Variants in ADGRL3 observed in about 807,000 individuals in gnomAD.
The protein encoded by ADGRL3 is adhesion G protein-coupled receptor L3.
In ADGRL3, 62 loss-of-function variants were observed where a neutral mutation model predicts 153.5. That is an observed-to-expected ratio of 0.40 (90% CI 0.33 to 0.50). The LOEUF is 0.50. Ranked by LOEUF, ADGRL3 falls within the 20% of genes least tolerant of loss-of-function variation. The pLI is 0.47. For missense variants in ADGRL3, 1,641 were observed against 1,859.4 expected (o/e 0.88, Z 2.16); for synonymous variants, 710 against 672.5 (o/e 1.06, Z -0.86).
At chr4:61,552,810 T>C (rs1049860026) in intron 4 of ADGRL3, among the ~76,000 whole-genome samples, 1 of 152,150 alleles carries the variant, frequency 6.6e-6, no homozygotes, top group East Asian at 1.9e-4. Flanking sequence ...TATTAGACTT[T>C]GTATACTTAA....
chr4:61,317,857 C>T lies in ADGRL3; in HGVS notation c.-239-65267C>T, dbSNP rs906973868. ...CCCAGTACAAAAACTTACAAGACAA[C>T]TATTATGTCTATGCATTATAAAAAG... On this transcript the variant is annotated intron_variant, in intron 1 of 26. Coordinates refer to ENST00000683033, the MANE Select transcript of ADGRL3 (RefSeq NM_001387552.1). 1.2e-4 allele frequency among the ~76,000 whole-genome samples: 19 copies of T among 152,170 alleles called. 1 individual carries two copies. In the East Asian group the frequency reaches 3.3e-3, roughly 26 times the overall value.
chr4:61,912,642 T>C, intron 12 of ADGRL3, 77 bp from the exon 13 acceptor site: 1 of 1,320,296 alleles, frequency 7.6e-7, no homozygotes. Flanking sequence ...GATGTGTTCT[T>C]TTATTTTTCT....
chr4:61,344,208 G>C (rs1388192422), intron 1 of ADGRL3, among the ~76,000 whole-genome samples: 1 of 152,188 alleles, frequency 6.6e-6, no homozygotes, highest in Non-Finnish European at 1.5e-5. Context: ...CAGTGAAAAA[G>C]AAGATTTCTT....
intron 1 of ADGRL3, among the ~76,000 whole-genome samples, chr4:61,288,818 T>C (rs796459679): frequency 1.4e-4 from 21 of 152,044 alleles, no homozygotes; most frequent in African/African-American, 4.8e-4. Context: ...ATTTCTCTGG[T>C]TTAGTTCTTG....
intron 2 of ADGRL3, among the ~76,000 whole-genome samples, chr4:61,421,977 G>T (rs1021187151): frequency 1.3e-5 from 2 of 151,936 alleles, no homozygotes; most frequent in African/African-American, 4.8e-5. Flanking sequence ...ATTCATCCTT[G>T]CTAAGGACCC....
In ADGRL3 at chr4:61,550,486, T is replaced by C. The variant is rs544325888; in HGVS notation, c.259+32968T>C. Among the ~76,000 whole-genome samples, 3 of 152,174 alleles carry C rather than the reference T, an allele frequency of 2.0e-5. No individual in the cohort carries two copies. The South Asian group carries it at 6.2e-4, about 31-fold the overall frequency. ...TCAGATATGCATGCATGCATGTGTA[T>C]ATACCCCAATTGGACATGACAATAA... On this transcript the variant is annotated intron_variant, in intron 4 of 26. Transcript: ENST00000683033.
chr4:61,435,560 A>G (rs1156809088), intron 2 of ADGRL3, among the ~76,000 whole-genome samples: 1 of 152,104 alleles, frequency 6.6e-6, no homozygotes, highest in Non-Finnish European at 1.5e-5. Flanking sequence ...CAGCAGGTCA[A>G]TTTGTCTGCA....
At chr4:61,769,730 C>T (rs368917086) in intron 8 of ADGRL3, among the ~76,000 whole-genome samples, 2 of 129,540 alleles carry the variant, frequency 1.5e-5, no homozygotes, top group South Asian at 5.0e-4. Flanking sequence ...TGTTCTCTGG[C>T]GGGTAGGAGT....
At chr4:61,981,967 T>TA (rs1390879799) in intron 18 of ADGRL3, among the ~76,000 whole-genome samples, 4 of 152,262 alleles carry the variant, frequency 2.6e-5, no homozygotes, top group South Asian at 2.1e-4. Flanking sequence ...TACCTATGAA[T>TA]AAGCAATCAA....
chr4:61,936,001 C>A lies in ADGRL3; in HGVS notation c.2375C>A (p.Thr792Asn), dbSNP rs779195293. 6.2e-7 allele frequency: 1 copy of A among 1,609,840 alleles called. No individual in the cohort carries two copies. Among genetic ancestry groups the A allele is most frequent in the Non-Finnish European group, 8.5e-7 (1 of 1,178,002 alleles). Residue 792 changes from threonine to asparagine, a missense_variant, in exon 15 of 27, where the codon ACT (threonine) becomes AAT (asparagine). By Grantham distance (65) the Thr-to-Asn change is moderately conservative. Coordinates refer to ENST00000683033, the MANE Select transcript of ADGRL3 (RefSeq NM_001387552.1). ...CCAGAAAACATGGGCCATGGAAGCA[C>A]TATCCAGCTGTCTGCAAATACCTTA... Reference protein sequence around the residue: ...KFPENMGHGSTIQLSANTLKQ... With the variant: ...KFPENMGHGSNIQLSANTLKQ...
At chr4:61,799,678 T>A (rs1354831059) in intron 8 of ADGRL3, among the ~76,000 whole-genome samples, 2 of 152,122 alleles carry the variant, frequency 1.3e-5, no homozygotes, top group African/African-American at 4.8e-5. Flanking sequence ...CAATATGCTC[T>A]TTAAATACCA....
chr4:61,506,170 A>C (rs1372394651), intron 3 of ADGRL3, among the ~76,000 whole-genome samples: 2 of 152,086 alleles, frequency 1.3e-5, no homozygotes, highest in African/African-American at 4.8e-5. Context: ...ATGAGTAATT[A>C]GGCCTACTTT....
intron 11 of ADGRL3, among the ~76,000 whole-genome samples, chr4:61,899,771 C>G (rs2098653971): frequency 6.6e-6 from 1 of 152,176 alleles, no homozygotes; most frequent in Non-Finnish European, 1.5e-5. Context: ...CAAATCCTTT[C>G]TCTGATGAGG....
At chr4:61,813,688 A>G (rs1035759127) in intron 8 of ADGRL3, 121 bp from the exon 9 acceptor site, 1 of 1,121,372 alleles carries the variant, frequency 8.9e-7, no homozygotes, top group East Asian at 2.6e-5. Context: ...AGATATGTCT[A>G]CTCTTTAATT....
chr4:61,227,670 G>A (rs1465948967), intron 1 of ADGRL3, among the ~76,000 whole-genome samples: 2 of 152,134 alleles, frequency 1.3e-5, no homozygotes, highest in African/African-American at 4.8e-5. Flanking sequence ...TTCAAATGTA[G>A]GGCTTACGTT....
chr4:61,801,058 T>G (rs1226472169), intron 8 of ADGRL3, among the ~76,000 whole-genome samples: 2 of 152,164 alleles, frequency 1.3e-5, no homozygotes, highest in Non-Finnish European at 2.9e-5. Context: ...AAGCAAATGT[T>G]CAGTGGCAGG....
At chr4:61,707,277 A>G (rs1016188863) in intron 6 of ADGRL3, among the ~76,000 whole-genome samples, 1 of 152,254 alleles carries the variant, frequency 6.6e-6, no homozygotes, top group African/African-American at 2.4e-5. Flanking sequence ...AGAATTACCA[A>G]AATGTGACAC....
At chr4:61,750,182 TAA>T (rs60768535) in intron 8 of ADGRL3, among the ~76,000 whole-genome samples, 5,856 of 93,744 alleles carry the variant, frequency 0.062, 359 homozygotes, top group East Asian at 0.16. Context: ...AGGGGATGGT[TAA>T]AAAAAAAAAA....
chr4:61,545,583 G>A (rs377503905), intron 4 of ADGRL3, among the ~76,000 whole-genome samples: 1 of 152,116 alleles, frequency 6.6e-6, no homozygotes, highest in African/African-American at 2.4e-5. Context: ...ACGCCATCTC[G>A]GCTCACTGCA....
Sources: allele counts gnomAD v4.1 joint callset (sites outside exome capture counted in the v4.1 genomes callset), GRCh38; gene constraint gnomAD v4.1.1; transcripts MANE v1.5; gene names NCBI Gene and HGNC (gene_info 2026-07-23, HGNC 2026-07-21).